Variants in MITF observed in about 807,000 individuals in gnomAD.
MITF encodes the protein microphthalmia-associated transcription factor.
In MITF, 17 loss-of-function variants were observed where a neutral mutation model predicts 60.5. The ratio of observed to expected loss-of-function variants is 0.28; its 90% CI spans 0.19 to 0.42. MITF has a LOEUF of 0.42. Among genes scored for constraint, MITF ranks in the 10% least tolerant of loss-of-function variants. MITF has a pLI of 1.00. For synonymous variants in MITF, 260 were observed against 248.5 expected (o/e 1.05, Z -0.43); for missense variants, 622 against 683.5 (o/e 0.91, Z 1.00).
At chr3:69,772,448 C>T (rs1472371359) in intron 1 of MITF, among the ~76,000 whole-genome samples, 5 of 152,166 alleles carry the variant, frequency 3.3e-5, no homozygotes, top group African/African-American at 4.8e-5. Flanking sequence ...GCAAACCATC[C>T]TTTTCTGTCT....
intron 1 of MITF, among the ~76,000 whole-genome samples, chr3:69,865,430 G>A (rs74348120): frequency 0.034 from 5,134 of 152,250 alleles, 307 homozygotes; most frequent in African/African-American, 0.12. Flanking sequence ...GCTGAGTCCT[G>A]TAGGAGCTGC....
chr3:69,825,431 C>T (rs1011022801), intron 1 of MITF, among the ~76,000 whole-genome samples: 52 of 152,266 alleles, frequency 3.4e-4, no homozygotes, highest in African/African-American at 1.2e-3. Context: ...ACAAATTGAC[C>T]ATTCTGCTTT....
intron 6 of MITF, among the ~76,000 whole-genome samples, chr3:69,951,078 G>T (rs1379143665): frequency 6.8e-6 from 1 of 146,936 alleles, no homozygotes; most frequent in Admixed American, 6.8e-5. Context: ...AAGAGACAGA[G>T]ATCCAATTTG....
At chr3:69,938,897 A>G (rs2065905529) in intron 3 of MITF, 6 of 1,458,380 alleles carry the variant, frequency 4.1e-6, no homozygotes, top group Non-Finnish European at 9.0e-7. Flanking sequence ...CAACTGCTTT[A>G]TTTTTCTCTA....
At chr3:69,938,276 T>G in intron 3 of MITF, 1 of 1,316,446 alleles carries the variant, frequency 7.6e-7, no homozygotes, top group South Asian at 1.3e-5. Context: ...CCAAGTGAAA[T>G]GTGGAGGCGA....
intron 2 of MITF, among the ~76,000 whole-genome samples, chr3:69,887,416 C>T (rs1395492285): frequency 1.3e-5 from 2 of 152,022 alleles, no homozygotes; most frequent in African/African-American, 4.8e-5. Context: ...GTTATAACTG[C>T]AATCAGTACT....
chr3:69,780,684 C>T (rs2062548845), intron 1 of MITF, among the ~76,000 whole-genome samples: 1 of 152,096 alleles, frequency 6.6e-6, no homozygotes, highest in South Asian at 2.1e-4. Flanking sequence ...CCTCTTGTGG[C>T]CTCTCCATGT....
At position 69,888,527 on chromosome 3, in the gene MITF, A is replaced by T. The variant is rs1351973625; in HGVS notation, c.354+9144A>T. 2.0e-5 allele frequency among the ~76,000 whole-genome samples: 3 copies of T among 151,902 alleles called. 1 individual carries two copies. In the South Asian group the frequency reaches 6.2e-4, roughly 32 times the overall value. On this transcript the variant is annotated intron_variant, in intron 2 of 9. Coordinates refer to ENST00000352241, the MANE Select transcript of MITF (RefSeq NM_001354604.2). Reference sequence around the variant, plus strand: ...CCTCCTGGGAAATAAGTACGGGATAAAATTGGGGATCAAGCCGTAGACGTA... The same window carrying T: ...CCTCCTGGGAAATAAGTACGGGATATAATTGGGGATCAAGCCGTAGACGTA...
chr3:69,879,775 A>G (rs2107280651), intron 2 of MITF, among the ~76,000 whole-genome samples: 1 of 152,274 alleles, frequency 6.6e-6, no homozygotes, highest in East Asian at 1.9e-4. Context: ...CTTTTTATTT[A>G]GTATGTAATA....
Position 69,739,491 on chromosome 3 carries a change from C to A in MITF, c.-107C>A. 2 of 1,042,024 alleles carry A rather than the reference C, an allele frequency of 1.9e-6. No individual in the cohort carries two copies. The highest frequency in any genetic ancestry group is 2.9e-6 in the Non-Finnish European group (2 of 690,598). The allele number at this position is 1,042,024 out of a possible 1,614,324, so 64.5% of individuals were successfully genotyped here. A position where few individuals can be genotyped will look rare whatever the true frequency, so the allele number is the denominator to read the frequency against. ...GAGCCGGCGAGCGGGCAGAGCTCGG[C>A]ACTGCGCCGGGGCGCACGGCTCGGG... On this transcript the variant is annotated 5_prime_UTR_variant, in exon 1 of 10. Transcript: ENST00000352241.
rs189749217 is a variant in MITF, at chr3:69,951,732, G to A, written c.881-80G>A. The A allele has an allele frequency of 1.3e-3, 1,346 of 1,044,640 alleles. 1 individual carries two copies. Among genetic ancestry groups the A allele is most frequent in the Non-Finnish European group, 1.8e-3 (1,212 of 670,972 alleles). The allele number at this position is 1,044,640 out of a possible 1,614,324, so 64.7% of individuals were successfully genotyped here. A position where few individuals can be genotyped will look rare whatever the true frequency, so the allele number is the denominator to read the frequency against. ...AGTCAAATAAGCTTCTGTATGTTTG[G>A]GAAATGAGATATTTTGTAGTTTACA... is the stretch of plus-strand genomic sequence containing the variant. On this transcript the variant is annotated intron_variant, in intron 6 of 9. Transcript: ENST00000352241.
intron 1 of MITF, among the ~76,000 whole-genome samples, chr3:69,824,879 C>T (rs1199820273): frequency 6.6e-6 from 1 of 152,200 alleles, no homozygotes; most frequent in Non-Finnish European, 1.5e-5. Context: ...TAAGCTCCAC[C>T]ACTGAAGCAC....
chr3:69,785,489 T>A (rs145957865), intron 1 of MITF, among the ~76,000 whole-genome samples: 1 of 152,334 alleles, frequency 6.6e-6, no homozygotes, highest in East Asian at 1.9e-4. Context: ...TGAATGCTGA[T>A]TGCTTGGGTG....
intron 1 of MITF, among the ~76,000 whole-genome samples, chr3:69,800,593 GT>G (rs1339341808): frequency 2.0e-5 from 3 of 152,064 alleles, no homozygotes; most frequent in African/African-American, 7.2e-5. Context: ...CAGGGTGCCA[GT>G]TTTTCCACAT....
intron 1 of MITF, among the ~76,000 whole-genome samples, chr3:69,804,597 C>T (rs749022815): frequency 6.6e-6 from 1 of 152,142 alleles, no homozygotes; most frequent in Admixed American, 6.5e-5. Flanking sequence ...AGTTTATGTA[C>T]GAAAGTGCAG....
intron 1 of MITF, among the ~76,000 whole-genome samples, chr3:69,766,365 A>T (rs548875395): frequency 1.4e-5 from 2 of 139,606 alleles, no homozygotes; most frequent in African/African-American, 5.4e-5. Context: ...GTGCACCACC[A>T]TGCCCAGCTA....
At chr3:69,924,456 TA>T (rs1207429346) in intron 2 of MITF, among the ~76,000 whole-genome samples, 2 of 152,206 alleles carry the variant, frequency 1.3e-5, no homozygotes, top group Non-Finnish European at 1.5e-5. Flanking sequence ...AAAGAGGACA[TA>T]AATACATAAA....
chr3:69,900,818 T>C (rs1307637775), intron 2 of MITF, among the ~76,000 whole-genome samples: 1 of 152,210 alleles, frequency 6.6e-6, no homozygotes, highest in Non-Finnish European at 1.5e-5. Flanking sequence ...GAGTAGTGAT[T>C]ATACCATGTC....
At position 69,801,335 on chromosome 3, in the gene MITF, A is replaced by G. The variant is rs563786537; in HGVS notation, c.104+61634A>G. 2.6e-5 allele frequency among the ~76,000 whole-genome samples: 4 copies of G among 152,312 alleles called. No individual in the cohort carries two copies. The South Asian group carries it at 8.3e-4, about 32-fold the overall frequency. ...AATAAAATTACTCAACTTGGATTGAAGTTCAGCGGTCTTAAATCCTTCTAA... is the reference window on the plus strand; with the variant it reads ...AATAAAATTACTCAACTTGGATTGAGGTTCAGCGGTCTTAAATCCTTCTAA... On this transcript the variant is annotated intron_variant, in intron 1 of 9. Coordinates refer to ENST00000352241, the MANE Select transcript of MITF (RefSeq NM_001354604.2).
Sources: gnomAD v4.1 joint callset for allele counts (sites outside exome capture counted in the v4.1 genomes callset) on GRCh38, gnomAD v4.1.1 for gene constraint, MANE v1.5 for transcripts, NCBI Gene and HGNC (gene_info 2026-07-23, HGNC 2026-07-21) for gene names.